REV3L: variants seen among roughly 807,000 people sequenced by gnomAD.
The protein encoded by REV3L is DNA polymerase zeta catalytic subunit.
In REV3L, 69 loss-of-function variants were observed where a neutral mutation model predicts 299.4. The ratio of observed to expected loss-of-function variants is 0.23; its 90% CI spans 0.19 to 0.28. REV3L has a LOEUF of 0.28. Among genes scored for constraint, REV3L ranks in the 10% least tolerant of loss-of-function variants. REV3L has a pLI of 1.00. For missense variants in REV3L, 3,128 were observed against 3,693.8 expected (o/e 0.85, Z 3.97); for synonymous variants, 1,238 against 1,271.4 (o/e 0.97, Z 0.56).
At chr6:111,377,657 A>G (rs2115106568) in intron 12 of REV3L, 44 bp downstream of exon 12, 1 of 1,577,140 alleles carries the variant, frequency 6.3e-7, no homozygotes, top group Non-Finnish European at 8.6e-7. Context: ...ATACATTTTT[A>G]GATCGTGAAT....
intron 1 of REV3L, among the ~76,000 whole-genome samples, chr6:111,421,446 T>C (rs1399884041): frequency 6.6e-6 from 1 of 152,158 alleles, no homozygotes. Flanking sequence ...TGTTGTAGCC[T>C]GGAAGCAGCT....
At chr6:111,388,199 A>T in intron 7 of REV3L, 114 bp from the exon 8 acceptor site, 1 of 654,228 alleles carries the variant, frequency 1.5e-6, no homozygotes, top group Non-Finnish European at 2.6e-6. Flanking sequence ...CTCTAGATAT[A>T]CATAATACAA....
chr6:111,481,695 A>C (rs1303301698), intron 1 of REV3L, among the ~76,000 whole-genome samples: 4 of 152,202 alleles, frequency 2.6e-5, no homozygotes, highest in Admixed American at 6.5e-5. Flanking sequence ...AGGGAAGAAC[A>C]ACCTTTCCTA....
At chr6:111,303,152 C>CTTGCT (rs2114681937) in intron 31 of REV3L, among the ~76,000 whole-genome samples, 1 of 55,764 alleles carries the variant, frequency 1.8e-5, no homozygotes, top group African/African-American at 7.2e-5. Context: ...TGTACTGAGG[C>CTTGCT]TTTCTTTTCT....
chr6:111,409,110 GT>G (rs1270246641), intron 3 of REV3L, among the ~76,000 whole-genome samples: 5 of 152,120 alleles, frequency 3.3e-5, no homozygotes, highest in African/African-American at 4.8e-5. Context: ...ACAAATCCTT[GT>G]TTTTACAGAA....
intron 1 of REV3L, chr6:111,430,979 C>A (rs1348317165): frequency 1.3e-6 from 2 of 1,577,852 alleles, no homozygotes; most frequent in Admixed American, 1.8e-5. Context: ...GAATACTTTG[C>A]AGGGGTTCAA....
At position 111,318,155 on chromosome 6, in the gene REV3L, T is replaced by A. The variant is rs559983426; in HGVS notation, c.8352-2774A>T. Among the ~76,000 whole-genome samples, 9 of 152,092 alleles carry A rather than the reference T, an allele frequency of 5.9e-5. No homozygotes were observed. In the South Asian group the frequency reaches 1.7e-3, roughly 28 times the overall value. On this transcript the variant is annotated intron_variant, in intron 26 of 31. Coordinates refer to ENST00000368802, the MANE Select transcript of REV3L (RefSeq NM_001372078.1). Reference sequence around the variant, plus strand: ...CAGGCTGGGGTGCAGTGGCGCGATCTCGGCTCACTGCAAGCTCCAACTCCT... The same window carrying A: ...CAGGCTGGGGTGCAGTGGCGCGATCACGGCTCACTGCAAGCTCCAACTCCT...
chr6:111,333,743 T>C (rs1775633240), intron 22 of REV3L, among the ~76,000 whole-genome samples: 1 of 152,152 alleles, frequency 6.6e-6, no homozygotes, highest in African/African-American at 2.4e-5. Flanking sequence ...CCCAAAGTGC[T>C]GGGATTATAG....
intron 1 of REV3L, among the ~76,000 whole-genome samples, chr6:111,432,707 A>G (rs1318843591): frequency 6.6e-6 from 1 of 152,194 alleles, no homozygotes; most frequent in African/African-American, 2.4e-5. Flanking sequence ...AGGCCTAATC[A>G]ACATTTATGG....
rs889572207 is a variant in REV3L, at chr6:111,299,327, C to T, written c.*689G>A. On this transcript the variant is annotated 3_prime_UTR_variant, in exon 32 of 32. Transcript: ENST00000368802. ...TTTTTAAAGTATTGCAACAGGCCCA[C>T]AGGTTTGTAACAAAAATGTCTTTGC... The T allele has an allele frequency of 2.0e-5, 3 of 152,498 alleles. No homozygotes were observed. The highest frequency in any genetic ancestry group is 7.2e-5 in the African/African-American group (3 of 41,434). The allele number at this position is 152,498 out of a possible 1,614,324, so 9.4% of individuals were successfully genotyped here.
intron 24 of REV3L, 53 bp from the exon 25 acceptor site, chr6:111,329,791 T>C: frequency 1.5e-6 from 2 of 1,357,328 alleles, no homozygotes; most frequent in Non-Finnish European, 2.1e-6. Context: ...TAGATTTACA[T>C]AATTAAGAAG....
intron 4 of REV3L, among the ~76,000 whole-genome samples, chr6:111,397,920 G>A (rs1293078537): frequency 6.6e-6 from 1 of 151,702 alleles, no homozygotes; most frequent in Admixed American, 6.6e-5. Context: ...TACGGTGCCC[G>A]GCTCTAAAGT....
intron 24 of REV3L, among the ~76,000 whole-genome samples, chr6:111,330,636 G>A (rs1775283979): frequency 1.3e-5 from 2 of 152,056 alleles, no homozygotes; most frequent in Non-Finnish European, 1.5e-5. Flanking sequence ...CTAGATATGC[G>A]ACAATGGAAC....
chr6:111,395,551 T>TA (rs1430932373), intron 4 of REV3L, among the ~76,000 whole-genome samples: 2 of 151,910 alleles, frequency 1.3e-5, no homozygotes, highest in South Asian at 2.1e-4. Flanking sequence ...TTGTGGGTTT[T>TA]AAAAAAAAAT....
chr6:111,373,444 A>G lies in REV3L; in HGVS notation c.4911T>C (p.Asp1637=). 6.2e-7 allele frequency: 1 copy of G among 1,613,774 alleles called. No homozygotes were observed. The highest frequency in any genetic ancestry group is 8.5e-7 in the Non-Finnish European group (1 of 1,179,870). ...PGFESCYSLE[D]SLSPEHNYNF... is the part of the protein sequence containing the mutation. ...TATAATTATGTTCAGGAGATAAACT[A>G]TCTTCAAGTGAGTAACAACTTTCAA... The change falls in exon 13 of 32, where the codon GAT becomes GAC. Residue 1637 remains aspartate (D), a synonymous_variant. Coordinates refer to ENST00000368802, the MANE Select transcript of REV3L (RefSeq NM_001372078.1).
chr6:111,301,815 A>G (rs146117808), intron 31 of REV3L, among the ~76,000 whole-genome samples: 7 of 152,246 alleles, frequency 4.6e-5, no homozygotes, highest in African/African-American at 1.4e-4. Flanking sequence ...AGTTGCATAT[A>G]TAGTTAAAAA....
intron 3 of REV3L, among the ~76,000 whole-genome samples, chr6:111,409,645 A>C (rs1784037285): frequency 6.6e-6 from 1 of 152,154 alleles, no homozygotes; most frequent in African/African-American, 2.4e-5. Context: ...CTAAGAAGGT[A>C]AGGCCTGAGT....
intron 1 of REV3L, among the ~76,000 whole-genome samples, chr6:111,429,375 T>A (rs1786580652): frequency 6.6e-6 from 1 of 151,864 alleles, no homozygotes; most frequent in African/African-American, 2.4e-5. Context: ...CAGAACCACC[T>A]TACAAAAAAA....
At chr6:111,347,786 A>C (rs1007992646) in intron 20 of REV3L, among the ~76,000 whole-genome samples, 1 of 152,138 alleles carries the variant, frequency 6.6e-6, no homozygotes, top group African/African-American at 2.4e-5. Flanking sequence ...TTGAGGCATA[A>C]TAAAACAGTG....
Sources: allele counts gnomAD v4.1 joint callset (sites outside exome capture counted in the v4.1 genomes callset), GRCh38; gene constraint gnomAD v4.1.1; transcripts MANE v1.5; gene names NCBI Gene and HGNC (gene_info 2026-07-23, HGNC 2026-07-21).